Variants in CYTH3 observed in about 807,000 individuals in gnomAD.
The protein encoded by CYTH3 is cytohesin 3.
A neutral mutation model predicts 55.1 loss-of-function variants in CYTH3; 23 were observed. The ratio of observed to expected loss-of-function variants is 0.42; its 90% CI spans 0.30 to 0.59. The LOEUF (loss-of-function observed/expected upper bound fraction) is 0.59, where lower values mean the gene tolerates loss of function less well. Ranked by LOEUF, CYTH3 falls within the 20% of genes least tolerant of loss-of-function variation. The probability of loss-of-function intolerance (pLI) is 0.20; values close to 1 mark genes in which losing one functional copy is unlikely to be tolerated. For synonymous variants in CYTH3, 249 were observed against 194.9 expected, an observed-to-expected ratio of 1.28 and a Z score of -2.31; for missense variants, 413 against 524.8, an observed-to-expected ratio of 0.79 and a Z score of 2.08.
chr7:6,271,530 T>TA (rs1207540231), intron 1 of CYTH3, among the ~76,000 whole-genome samples: 2 of 152,002 alleles, frequency 1.3e-5, no homozygotes, highest in Non-Finnish European at 1.5e-5. Flanking sequence ...GCTGTTCCTG[T>TA]AAAAACACGG....
In CYTH3 at chr7:6,188,971, G is replaced by A. The variant is rs755854580; in HGVS notation, c.118-1250C>T. ...GACCCTATTATATGCCAAGACACTC[G>A]GACTTAAAACGCAAACTCCTAGAAA... On this transcript the variant is annotated intron_variant, in intron 2 of 12. Coordinates refer to ENST00000350796, the MANE Select transcript of CYTH3 (RefSeq NM_004227.4). 5 of 152,270 alleles carry A rather than the reference G, an allele frequency of 3.3e-5. No homozygotes were observed. The South Asian group carries it at 6.2e-4, about 19-fold the overall frequency. The allele number at this position is 152,270 out of a possible 1,614,324, so 9.4% of individuals were successfully genotyped here.
At chr7:6,262,939 G>C (rs972532990) in intron 1 of CYTH3, among the ~76,000 whole-genome samples, 2 of 151,826 alleles carry the variant, frequency 1.3e-5, no homozygotes, top group African/African-American at 4.8e-5. Context: ...TTTAAGTGGA[G>C]GCAAAGTAAA....
intron 1 of CYTH3, among the ~76,000 whole-genome samples, chr7:6,205,260 C>T (rs1784157191): frequency 6.6e-6 from 1 of 151,986 alleles, no homozygotes; most frequent in Admixed American, 6.6e-5. Context: ...TCAAAGATAA[C>T]AACGTAATGT....
chr7:6,202,311 C>T (rs376490780), intron 1 of CYTH3, among the ~76,000 whole-genome samples: 23 of 152,204 alleles, frequency 1.5e-4, no homozygotes, highest in Admixed American at 4.6e-4. Flanking sequence ...CCCAGACGAA[C>T]GCGTAAGTGA....
At chr7:6,174,564 T>TTC (rs1278957933) in intron 5 of CYTH3, among the ~76,000 whole-genome samples, 27 of 145,474 alleles carry the variant, frequency 1.9e-4, no homozygotes, top group African/African-American at 5.4e-4. Flanking sequence ...TTTTTTTTTT[T>TTC]CCAGACAGAG....
chr7:6,210,334 C>T (rs1211986311), intron 1 of CYTH3, among the ~76,000 whole-genome samples: 1 of 152,180 alleles, frequency 6.6e-6, no homozygotes, highest in Non-Finnish European at 1.5e-5. Flanking sequence ...AAATAATTCT[C>T]TAAGACAACT....
In CYTH3 at chr7:6,179,742, A is replaced by ACACCC. The variant is rs1172688892; in HGVS notation, c.250-1802_250-1801insGGGTG. Among the ~76,000 whole-genome samples the ACACCC allele has an allele frequency of 4.9e-4, 49 of 100,018 alleles. 1 individual carries two copies. The highest frequency in any genetic ancestry group is 1.7e-4 in the Non-Finnish European group (9 of 51,702). 65.6% of individuals were successfully genotyped at this position (100,018 alleles called of 152,430 possible). A position where few individuals can be genotyped will look rare whatever the true frequency, so the allele number is the denominator to read the frequency against. ...CACACCACACACACACACCCACCAC[A>ACACCC]CACACCCCACACCCCCACCACACAC... On this transcript the variant is annotated intron_variant, in intron 4 of 12. Coordinates refer to ENST00000350796, the MANE Select transcript of CYTH3 (RefSeq NM_004227.4).
At chr7:6,217,412 A>G (rs991624390) in intron 1 of CYTH3, among the ~76,000 whole-genome samples, 1 of 152,230 alleles carries the variant, frequency 6.6e-6, no homozygotes, top group Non-Finnish European at 1.5e-5. Flanking sequence ...TAATAAAAAG[A>G]AAGCAGGTGT....
chr7:6,266,700 C>T (rs559813549), intron 1 of CYTH3, among the ~76,000 whole-genome samples: 1 of 151,460 alleles, frequency 6.6e-6, no homozygotes, highest in South Asian at 2.1e-4. Context: ...AGAGGCCTTC[C>T]CTGGCCACGG....
At chr7:6,182,531 CAA>C (rs978826129) in intron 4 of CYTH3, among the ~76,000 whole-genome samples, 18 of 152,130 alleles carry the variant, frequency 1.2e-4, no homozygotes, top group African/African-American at 4.1e-4. Flanking sequence ...ATTTAAGAGA[CAA>C]AGTCTTACTG....
In CYTH3 at chr7:6,187,119, A is replaced by G. The variant is rs973395588; in HGVS notation, c.183-3T>C. ...GTTTGTTCCTCTGAGTCGTTTTGCTATTGGTGTGAAATAATTTAAAAATCA... is the reference window on the plus strand; with the variant it reads ...GTTTGTTCCTCTGAGTCGTTTTGCTGTTGGTGTGAAATAATTTAAAAATCA... On this transcript the variant is annotated splice_region_variant and splice_polypyrimidine_tract_variant and intron_variant, in intron 3 of 12. Transcript: ENST00000350796. 12 of 1,613,522 alleles carry G rather than the reference A, an allele frequency of 7.4e-6. No individual in the cohort carries two copies. Among genetic ancestry groups the G allele is most frequent in the Non-Finnish European group, 1.0e-5 (12 of 1,179,684 alleles).
intron 1 of CYTH3, among the ~76,000 whole-genome samples, chr7:6,209,990 G>C (rs2128548974): frequency 6.6e-6 from 1 of 152,292 alleles, no homozygotes; most frequent in East Asian, 1.9e-4. Context: ...GAGCACAGGG[G>C]ACTCCTGGTT....
At chr7:6,259,772 T>TATATATAATA (rs1491219669) in intron 1 of CYTH3, among the ~76,000 whole-genome samples, 2 of 30,500 alleles carry the variant, frequency 6.6e-5, no homozygotes, top group Admixed American at 6.0e-4. Context: ...TATATATATA[T>TATATATAATA]TATATATATA....
chr7:6,205,780 G>C (rs1254705209), intron 1 of CYTH3, among the ~76,000 whole-genome samples: 11 of 144,828 alleles, frequency 7.6e-5, no homozygotes, highest in African/African-American at 2.1e-4. Flanking sequence ...GGGAGGCTGA[G>C]ACAGGATAGC....
chr7:6,175,335 T>C (rs148541397), intron 5 of CYTH3, among the ~76,000 whole-genome samples: 1 of 152,154 alleles, frequency 6.6e-6, no homozygotes, highest in Non-Finnish European at 1.5e-5. Context: ...TGAAGCACAA[T>C]ATTCTGATGA....
rs1020405177 is a variant in CYTH3 at position 6,164,146 on chromosome 7, G to A, written c.*798C>T. 6.6e-6 allele frequency: 1 copy of A among 152,452 alleles called. No homozygotes were observed. Among genetic ancestry groups the A allele is most frequent in the Non-Finnish European group, 1.5e-5 (1 of 68,050 alleles). 9.4% of individuals were successfully genotyped at this position (152,452 alleles called of 1,614,324 possible). On this transcript the variant is annotated 3_prime_UTR_variant, in exon 13 of 13. Transcript: ENST00000350796. Reference sequence around the variant, plus strand: ...ATGGGAGTCACCCTGGAGCCCCCAAGTGCCATGGCCGTCCCTCCCCCAGCC... The same window carrying A: ...ATGGGAGTCACCCTGGAGCCCCCAAATGCCATGGCCGTCCCTCCCCCAGCC...
At chr7:6,226,886 C>T (rs1370154253) in intron 1 of CYTH3, among the ~76,000 whole-genome samples, 1 of 152,056 alleles carries the variant, frequency 6.6e-6, no homozygotes, top group Non-Finnish European at 1.5e-5. Flanking sequence ...CGAGACCATC[C>T]TGGCTAACAC....
intron 1 of CYTH3, among the ~76,000 whole-genome samples, chr7:6,253,401 G>A (rs1165157016): frequency 6.6e-6 from 1 of 151,556 alleles, no homozygotes; most frequent in Non-Finnish European, 1.5e-5. Flanking sequence ...TAGAGATAGG[G>A]TTTCACCATG....
chr7:6,189,957 A>C (rs1210876884), intron 2 of CYTH3, among the ~76,000 whole-genome samples: 2 of 152,142 alleles, frequency 1.3e-5, no homozygotes, highest in Non-Finnish European at 2.9e-5. Flanking sequence ...AATGGCGTGA[A>C]CCCAGGAGGC....
Sources: allele counts gnomAD v4.1 joint callset (sites outside exome capture counted in the v4.1 genomes callset), GRCh38; gene constraint gnomAD v4.1.1; transcripts MANE v1.5; gene names NCBI Gene and HGNC (gene_info 2026-07-23, HGNC 2026-07-21).